The following DENND5A variants were observed in gnomAD, a reference collection of about 807,000 sequenced individuals.
DENND5A encodes the protein DENN domain-containing protein 5A.
DENND5A carries 64 observed loss-of-function variants against 140.3 expected under a neutral mutation model. The observed-to-expected ratio is 0.46, with a 90% CI of 0.37 to 0.56. The LOEUF (loss-of-function observed/expected upper bound fraction) is 0.56. Ranked by LOEUF, DENND5A falls within the 20% of genes least tolerant of loss-of-function variation. The pLI, the probability that DENND5A is intolerant of heterozygous loss-of-function variation, is 0.00. For synonymous variants in DENND5A, 605 were observed against 607.7 expected, an observed-to-expected ratio of 1.00 and a Z score of 0.07; for missense variants, 1,292 against 1,593.8, an observed-to-expected ratio of 0.81 and a Z score of 3.22.
chr11:9,239,847 T>C (rs931865838), intron 1 of DENND5A, among the ~76,000 whole-genome samples: 6 of 152,198 alleles, frequency 3.9e-5, no homozygotes, highest in Admixed American at 2.6e-4. Flanking sequence ...GTTCAAATCA[T>C]GGTTCCCTCA....
intron 5 of DENND5A, among the ~76,000 whole-genome samples, chr11:9,190,436 T>C (rs1010342097): frequency 2.0e-5 from 3 of 152,178 alleles, no homozygotes; most frequent in Non-Finnish European, 4.4e-5. Context: ...GTTCTCGTGA[T>C]AGTGAATAAG....
chr11:9,206,835 A>G (rs1849707038), intron 2 of DENND5A, 53 bp from the exon 3 acceptor site: 14 of 1,339,086 alleles, frequency 1.0e-5, no homozygotes, highest in East Asian at 2.3e-5. Flanking sequence ...TTTAAGTCAC[A>G]GGGTTATAAA....
intron 3 of DENND5A, 40 bp downstream of exon 3, chr11:9,206,633 T>A (rs746640034): frequency 5.8e-6 from 8 of 1,372,130 alleles, no homozygotes; most frequent in Non-Finnish European, 8.3e-6. Flanking sequence ...TATAAATTAC[T>A]CTGTAAATTA....
At chr11:9,183,652 C>T (rs900037251) in intron 5 of DENND5A, among the ~76,000 whole-genome samples, 2 of 152,054 alleles carry the variant, frequency 1.3e-5, no homozygotes, top group African/African-American at 4.8e-5. Context: ...AGCAATCCTC[C>T]CACCTCAGCC....
intron 4 of DENND5A, among the ~76,000 whole-genome samples, chr11:9,195,516 T>A (rs1849294583): frequency 6.6e-6 from 1 of 152,192 alleles, no homozygotes; most frequent in Non-Finnish European, 1.5e-5. Flanking sequence ...AAATGAGCTG[T>A]CATAGGAATT....
intron 4 of DENND5A, 84 bp from the exon 5 acceptor site, chr11:9,193,765 T>A (rs1302558154): frequency 1.4e-5 from 16 of 1,178,470 alleles, no homozygotes; most frequent in Non-Finnish European, 1.9e-5. Context: ...GTTAAAACTT[T>A]CAGTACAATT....
intron 15 of DENND5A, among the ~76,000 whole-genome samples, chr11:9,149,538 G>T (rs1440373990): frequency 6.6e-6 from 1 of 152,150 alleles, no homozygotes; most frequent in African/African-American, 2.4e-5. Context: ...ACGTTTCTGG[G>T]GAGTCCAGGA....
At chr11:9,227,978 T>C (rs1850600896) in intron 1 of DENND5A, among the ~76,000 whole-genome samples, 1 of 151,596 alleles carries the variant, frequency 6.6e-6, no homozygotes, top group African/African-American at 2.4e-5. Flanking sequence ...CCGGGCATGG[T>C]GGTGCATGCC....
intron 5 of DENND5A, among the ~76,000 whole-genome samples, chr11:9,188,651 ACT>A (rs2136188804): frequency 6.6e-6 from 1 of 152,160 alleles, no homozygotes; most frequent in South Asian, 2.1e-4. Context: ...AGCAAAGGTG[ACT>A]CTTGTGTTTT....
chr11:9,220,220 A>G (rs1564922815), intron 1 of DENND5A, among the ~76,000 whole-genome samples: 1 of 152,242 alleles, frequency 6.6e-6, no homozygotes, highest in Non-Finnish European at 1.5e-5. Context: ...ATAAATTGCA[A>G]AAAATGATAG....
chr11:9,203,418 A>C, intron 4 of DENND5A: 2 of 445,570 alleles, frequency 4.5e-6, no homozygotes, highest in East Asian at 4.2e-5. Context: ...ATCAGAAGGG[A>C]CATAGGAAGC....
At chr11:9,169,998 A>G in intron 9 of DENND5A, 49 bp from the exon 10 acceptor site, 1 of 1,316,226 alleles carries the variant, frequency 7.6e-7, no homozygotes, top group African/African-American at 1.4e-5. Context: ...CTCACTTAAA[A>G]AGCAATGTCA....
intron 21 of DENND5A, 42 bp downstream of exon 21, chr11:9,142,680 C>T (rs890193756): frequency 5.0e-6 from 8 of 1,612,304 alleles, no homozygotes; most frequent in South Asian, 1.1e-5. Flanking sequence ...CCCCTTATAT[C>T]TCTACATGCT....
intron 4 of DENND5A, 35 bp from the exon 5 acceptor site, chr11:9,193,716 A>T: frequency 6.4e-7 from 1 of 1,555,822 alleles, no homozygotes; most frequent in Non-Finnish European, 8.7e-7. Flanking sequence ...CACACACACA[A>T]ATCAGTCAAA....
chr11:9,163,431 G>T lies in DENND5A; in HGVS notation c.2283+2405C>A, dbSNP rs113788114. Among the ~76,000 whole-genome samples the T allele has an allele frequency of 1.9e-3, 284 of 152,142 alleles. 2 individuals carry two copies. Among genetic ancestry groups the T allele is most frequent in the African/African-American group, 6.5e-3 (269 of 41,494 alleles). ...CCCACATATTAACATGTCTAAAATT[G>T]ATATGTATTTCACAGTCATCATTGG... On this transcript the variant is annotated intron_variant, in intron 11 of 22. Coordinates refer to ENST00000328194, the MANE Select transcript of DENND5A (RefSeq NM_015213.4).
chr11:9,166,055 T>C, intron 10 of DENND5A, 88 bp from the exon 11 acceptor site: 2 of 1,223,432 alleles, frequency 1.6e-6, no homozygotes, highest in Non-Finnish European at 2.3e-6. Flanking sequence ...AAGAGGGCAT[T>C]ATTTTCTCAC....
At chr11:9,141,292 T>C (rs566552174) in intron 22 of DENND5A, among the ~76,000 whole-genome samples, 2 of 152,318 alleles carry the variant, frequency 1.3e-5, no homozygotes, top group Non-Finnish European at 2.9e-5. Context: ...CCTTTCAAAA[T>C]GGGGCCCCTC....
At chr11:9,192,009 T>C (rs1590255680) in intron 5 of DENND5A, among the ~76,000 whole-genome samples, 1 of 152,180 alleles carries the variant, frequency 6.6e-6, no homozygotes. Flanking sequence ...ATTTTATCCA[T>C]CATTTAGATT....
chr11:9,144,998 T>C lies in DENND5A; in HGVS notation c.3119A>G (p.Tyr1040Cys). 6.2e-7 allele frequency: 1 copy of C among 1,607,708 alleles called. No individual in the cohort carries two copies. The change falls in exon 18 of 23, where the codon TAC (tyrosine) becomes TGC (cysteine). Residue 1040 changes from tyrosine to cysteine, a missense_variant. This residue lies in a region of DENND5A where 498 missense variants were observed against 689.7 expected (regional missense o/e 0.72). Coordinates refer to ENST00000328194, the MANE Select transcript of DENND5A (RefSeq NM_015213.4). ...TACAGCCTGAGGGTATACTTACTTG[T>C]AGGTATGTCCTGTGATCTCATTCCT... The part of the protein sequence containing the change: ...MVRNEITGHT[Y>C]KFPCGRWLGK...
Sources: gnomAD v4.1 joint callset for allele counts (sites outside exome capture counted in the v4.1 genomes callset) on GRCh38, gnomAD v4.1.1 for gene constraint, gnomAD v4.1.1 regional missense constraint, MANE v1.5 for transcripts, NCBI Gene and HGNC (gene_info 2026-07-23, HGNC 2026-07-21) for gene names.